CCSER1: variants seen among roughly 807,000 people sequenced by gnomAD.
CCSER1 encodes the protein serine-rich coiled-coil domain-containing protein 1.
A neutral mutation model predicts 82.0 loss-of-function variants in CCSER1; 41 were observed. The observed-to-expected ratio is 0.50, with a 90% CI of 0.39 to 0.65. CCSER1 has a LOEUF of 0.65. Ranked by LOEUF, CCSER1 falls within the 30% of genes least tolerant of loss-of-function variation. CCSER1 has a pLI of 0.00. For missense variants in CCSER1, 1,119 were observed against 1,064.2 expected, an observed-to-expected ratio of 1.05 and a Z score of -0.72; for synonymous variants, 414 against 383.9, an observed-to-expected ratio of 1.08 and a Z score of -0.92.
At chr4:91,513,939 T>C (rs1759962708) in intron 10 of CCSER1, among the ~76,000 whole-genome samples, 1 of 152,116 alleles carries the variant, frequency 6.6e-6, no homozygotes, top group Non-Finnish European at 1.5e-5. Context: ...TTATGGATTT[T>C]TGGGTCTCAA....
intron 7 of CCSER1, among the ~76,000 whole-genome samples, chr4:90,796,379 TC>T (rs1756030801): frequency 6.6e-6 from 1 of 151,242 alleles, no homozygotes; most frequent in African/African-American, 2.4e-5. Flanking sequence ...TCTCTTTTCT[TC>T]ATTAGTGTAG....
At chr4:91,015,999 T>A (rs1739398315) in intron 9 of CCSER1, among the ~76,000 whole-genome samples, 1 of 152,034 alleles carries the variant, frequency 6.6e-6, no homozygotes, top group Admixed American at 6.5e-5. Flanking sequence ...AAACAGCTCA[T>A]GTTCATTCGT....
In CCSER1 at chr4:90,236,965, G is replaced by A. The variant is rs1401344269; in HGVS notation, c.-41-71279G>A. 2.6e-5 allele frequency among the ~76,000 whole-genome samples: 4 copies of A among 152,014 alleles called. No homozygotes were observed. The East Asian group carries it at 7.7e-4, about 29-fold the overall frequency. ...ATGAAAGAAAAATGTGTTAGTATATGATTCATAAAAAACAAACCAGTGATG... is the reference window on the plus strand; with the variant it reads ...ATGAAAGAAAAATGTGTTAGTATATAATTCATAAAAAACAAACCAGTGATG... On this transcript the variant is annotated intron_variant, in intron 1 of 10. Coordinates refer to ENST00000509176, the MANE Select transcript of CCSER1 (RefSeq NM_001145065.2).
intron 4 of CCSER1, among the ~76,000 whole-genome samples, chr4:90,450,793 T>C (rs1207088054): frequency 6.6e-6 from 1 of 152,206 alleles, no homozygotes; most frequent in Admixed American, 6.5e-5. Context: ...CTGGGTTGAA[T>C]AGAAGTGGCC....
chr4:90,413,795 A>T (rs1400738143), intron 4 of CCSER1, among the ~76,000 whole-genome samples: 2 of 150,236 alleles, frequency 1.3e-5, no homozygotes, highest in Admixed American at 6.6e-5. Flanking sequence ...TACAAAAAAA[A>T]AAAATTAGCC....
intron 10 of CCSER1, among the ~76,000 whole-genome samples, chr4:91,091,042 C>T (rs901924944): frequency 4.6e-5 from 7 of 152,188 alleles, no homozygotes; most frequent in African/African-American, 1.7e-4. Context: ...GCCCAAATGA[C>T]ACATGACCAG....
At chr4:90,858,572 T>C (rs1441566552) in intron 8 of CCSER1, among the ~76,000 whole-genome samples, 1 of 151,968 alleles carries the variant, frequency 6.6e-6, no homozygotes, top group Non-Finnish European at 1.5e-5. Context: ...ATTTCAATTA[T>C]TAATATGGAG....
At chr4:90,130,898 C>T (rs1440924176) in intron 1 of CCSER1, among the ~76,000 whole-genome samples, 1 of 151,960 alleles carries the variant, frequency 6.6e-6, no homozygotes, top group Admixed American at 6.6e-5. Flanking sequence ...GGATTACAGG[C>T]GTGACCCACT....
intron 10 of CCSER1, among the ~76,000 whole-genome samples, chr4:91,101,033 G>GA (rs1204289083): frequency 3.3e-5 from 5 of 151,736 alleles, no homozygotes; most frequent in African/African-American, 4.8e-5. Context: ...AGACAAACAG[G>GA]AAAAAAAAGA....
At chr4:90,919,866 G>A (rs1728119200) in intron 8 of CCSER1, among the ~76,000 whole-genome samples, 1 of 151,684 alleles carries the variant, frequency 6.6e-6, no homozygotes, top group South Asian at 2.1e-4. Context: ...TACATAATAT[G>A]CTAGCCTTTT....
At chr4:90,875,878 C>A (rs1245947261) in intron 8 of CCSER1, among the ~76,000 whole-genome samples, 1 of 152,016 alleles carries the variant, frequency 6.6e-6, no homozygotes, top group Non-Finnish European at 1.5e-5. Context: ...GGAATATAAC[C>A]AAACAAAATT....
At chr4:91,228,760 T>A (rs945418614) in intron 10 of CCSER1, among the ~76,000 whole-genome samples, 3 of 151,870 alleles carry the variant, frequency 2.0e-5, no homozygotes, top group Non-Finnish European at 4.4e-5. Flanking sequence ...CAAGAAAAAA[T>A]ATTTACAAAT....
chr4:90,285,444 T>A (rs896777845), intron 1 of CCSER1, among the ~76,000 whole-genome samples: 1 of 152,096 alleles, frequency 6.6e-6, no homozygotes, highest in Non-Finnish European at 1.5e-5. Context: ...TTCAAATTGT[T>A]CACTGTTGGT....
intron 7 of CCSER1, among the ~76,000 whole-genome samples, chr4:90,789,875 A>G (rs1755004196): frequency 2.0e-5 from 3 of 152,114 alleles, no homozygotes. Context: ...TACACCTACT[A>G]TATTTCTTCG....
At chr4:91,473,076 T>A (rs965589758) in intron 10 of CCSER1, among the ~76,000 whole-genome samples, 20 of 152,322 alleles carry the variant, frequency 1.3e-4, no homozygotes, top group Admixed American at 8.5e-4. Flanking sequence ...GTTCCGCCAA[T>A]GCCCAGTATT....
chr4:91,538,698 C>CATATATTATATTATAT, intron 10 of CCSER1, among the ~76,000 whole-genome samples: 2 of 138,340 alleles, frequency 1.4e-5, no homozygotes, highest in African/African-American at 5.5e-5. Context: ...TATATATACA[C>CATATATTATATTATAT]ATATATATAT....
intron 10 of CCSER1, among the ~76,000 whole-genome samples, chr4:91,488,580 C>G (rs1352308274): frequency 6.6e-6 from 1 of 152,082 alleles, no homozygotes; most frequent in African/African-American, 2.4e-5. Context: ...AGTGAGTTAG[C>G]ACGAGAACTG....
chr4:90,199,934 A>C (rs1337112326), intron 1 of CCSER1, among the ~76,000 whole-genome samples: 2 of 152,158 alleles, frequency 1.3e-5, no homozygotes, highest in African/African-American at 4.8e-5. Context: ...ATAGCAATTA[A>C]GTGGAAGAGT....
chr4:91,399,672 G>A (rs1752202201), intron 10 of CCSER1, among the ~76,000 whole-genome samples: 2 of 151,816 alleles, frequency 1.3e-5, no homozygotes, highest in South Asian at 4.1e-4. Flanking sequence ...TCTCTTTGTG[G>A]TGTTTCTTCT....
Sources: gnomAD v4.1 joint callset for allele counts (sites outside exome capture counted in the v4.1 genomes callset) on GRCh38, gnomAD v4.1.1 for gene constraint, MANE v1.5 for transcripts, NCBI Gene and HGNC (gene_info 2026-07-23, HGNC 2026-07-21) for gene names.